TNF: variants seen among roughly 807,000 people sequenced by gnomAD.
TNF encodes the protein tumor necrosis factor, also known as APC1 protein.
TNF carries 7 observed loss-of-function variants against 21.8 expected under a neutral mutation model. That is an observed-to-expected ratio of 0.32 (90% CI 0.18 to 0.60). TNF has a LOEUF of 0.60. Ranked by LOEUF, TNF falls within the 20% of genes least tolerant of loss-of-function variation. TNF has a pLI of 0.84. For synonymous variants in TNF, 123 were observed against 130.2 expected, an observed-to-expected ratio of 0.94 and a Z score of 0.38; for missense variants, 216 against 296.6, an observed-to-expected ratio of 0.73 and a Z score of 2.00.
chr6:31,575,629 C>T lies in TNF; in HGVS notation c.-113C>T, dbSNP rs3093660. ...AAGAGGGAGAGAAGCAACTACAGACCCCCCCTGAAAACAACCCTCAGACGC... is the reference window on the plus strand; with the variant it reads ...AAGAGGGAGAGAAGCAACTACAGACTCCCCCTGAAAACAACCCTCAGACGC... On this transcript the variant is annotated 5_prime_UTR_variant, in exon 1 of 4. Transcript: ENST00000449264. This position sits in a 1 kb window ranked among gnomAD's most constrained non-coding sequence, Gnocchi z 6.2. The T allele has an allele frequency of 1.5e-5, 15 of 979,688 alleles. No individual in the cohort carries two copies. In the East Asian group the frequency reaches 1.6e-4, roughly 10 times the overall value. 60.7% of individuals were successfully genotyped at this position (979,688 alleles called of 1,614,324 possible).
At position 31,575,764 on chromosome 6, in the gene TNF, G is replaced by A. The variant is rs201502336; in HGVS notation, c.23G>A (p.Arg8Gln). Residue 8 changes from arginine (R) to glutamine (Q), a missense_variant, in exon 1 of 4, where the codon CGG (arginine) becomes CAG (glutamine). Around this residue, in one of 2 missense-constraint regions of TNF, gnomAD observed 118 missense variants for 127.1 expected, o/e 0.93. Coordinates refer to ENST00000449264, the MANE Select transcript of TNF (RefSeq NM_000594.4). The surrounding 1 kb of genome is among the most constrained non-coding windows in gnomAD (Gnocchi z 6.2). Reference protein sequence around the residue: MSTESMIRDVELAEEALP... With the variant: MSTESMIQDVELAEEALP... ...ACCATGAGCACTGAAAGCATGATCC[G>A]GGACGTGGAGCTGGCCGAGGAGGCG... The A allele has an allele frequency of 2.9e-5, 46 of 1,601,310 alleles. 1 individual carries two copies. Among genetic ancestry groups the A allele is most frequent in the South Asian group, 2.5e-4 (22 of 89,494 alleles).
In TNF at chr6:31,575,568, A is replaced by C; in HGVS notation, c.-174A>C. ...GCAGTTGTTGGCACACCCAGCCAGC[A>C]GACGCTCCCTCAGCAAGGACAGCAG... On this transcript the variant is annotated 5_prime_UTR_variant, in exon 1 of 4. Transcript: ENST00000449264. The surrounding 1 kb of genome is among the most constrained non-coding windows in gnomAD (Gnocchi z 6.2). 1 of 609,318 alleles carries C rather than the reference A, an allele frequency of 1.6e-6. No individual in the cohort carries two copies. Among genetic ancestry groups the C allele is most frequent in the South Asian group, 2.2e-5 (1 of 45,586 alleles). 37.7% of individuals were successfully genotyped at this position (609,318 alleles called of 1,614,324 possible).
chr6:31,576,966 A>T, intron 3 of TNF, 150 bp from the exon 4 acceptor site: 1 of 1,340,000 alleles, frequency 7.5e-7, no homozygotes. Flanking sequence ...TTAGTGGGAT[A>T]CTCAGAACGT....
At chr6:31,576,655 G>A (rs1454324321) in intron 2 of TNF, 76 bp downstream of exon 2, 1 of 1,596,868 alleles carries the variant, frequency 6.3e-7, no homozygotes, top group African/African-American at 1.4e-5. Flanking sequence ...TGGAAGCAGT[G>A]GGGGAAATTT....
At position 31,578,148 on chromosome 6, in the gene TNF, G is replaced by A. The variant is rs1329427055; in HGVS notation, c.*611G>A. ...GAGCTGAACAATAGGCTGTTCCCAT[G>A]TAGCCCCCTGGCCTCTGTGCCTTCT... On this transcript the variant is annotated 3_prime_UTR_variant, in exon 4 of 4. Coordinates refer to ENST00000449264, the MANE Select transcript of TNF (RefSeq NM_000594.4). The surrounding 1 kb of genome is among the most constrained non-coding windows in gnomAD (Gnocchi z 6.0). The A allele has an allele frequency of 6.6e-6, 1 of 152,238 alleles. No individual in the cohort carries two copies. The highest frequency in any genetic ancestry group is 1.5e-5 in the Non-Finnish European group (1 of 68,078). 9.4% of individuals were successfully genotyped at this position (152,238 alleles called of 1,614,324 possible).
In TNF at chr6:31,575,648, C is replaced by A; in HGVS notation, c.-94C>A. 8.0e-7 allele frequency: 1 copy of A among 1,248,898 alleles called. No homozygotes were observed. Among genetic ancestry groups the A allele is most frequent in the Non-Finnish European group, 1.1e-6 (1 of 916,868 alleles). The allele number at this position is 1,248,898 out of a possible 1,614,324, so 77.4% of individuals were successfully genotyped here. ...ACAGACCCCCCCTGAAAACAACCCT[C>A]AGACGCCACATCCCCTGACAAGCTG... On this transcript the variant is annotated 5_prime_UTR_variant, in exon 1 of 4. Transcript: ENST00000449264. The surrounding 1 kb of genome is among the most constrained non-coding windows in gnomAD (Gnocchi z 6.2).
At position 31,577,485 on chromosome 6, in the gene TNF, A is replaced by C. The variant is rs763621932; in HGVS notation, c.650A>C (p.Tyr217Ser). ...RLSAEINRPD[Y>S]LDFAESGQVY... ...AGCGCTGAGATCAATCGGCCCGACT[A>C]TCTCGACTTTGCCGAGTCTGGGCAG... The change falls in exon 4 of 4, where the codon TAT (tyrosine) becomes TCT (serine). Residue 217 changes from tyrosine (Y) to serine (S), a missense_variant. Tyr to Ser is a moderately radical substitution (Grantham distance 144). Around this residue, in one of 2 missense-constraint regions of TNF, gnomAD observed 98 missense variants for 169.6 expected, o/e 0.58. Transcript: ENST00000449264. The surrounding 1 kb of genome is among the most constrained non-coding windows in gnomAD (Gnocchi z 7.7). 3 of 1,613,112 alleles carry C rather than the reference A, an allele frequency of 1.9e-6. No individual in the cohort carries two copies. The South Asian group carries it at 3.3e-5, about 18-fold the overall frequency.
At position 31,575,960 on chromosome 6, in the gene TNF, C is replaced by A; in HGVS notation, c.186+33C>A. ...CCTGGCCAGCCTTCATCCACTCTCC[C>A]ACCCAAGGGGAAATGGAGACGCAAG... On this transcript the variant is annotated intron_variant, in intron 1 of 3. Coordinates refer to ENST00000449264, the MANE Select transcript of TNF (RefSeq NM_000594.4). This position sits in a 1 kb window ranked among gnomAD's most constrained non-coding sequence, Gnocchi z 6.2. 1 of 1,462,586 alleles carries A rather than the reference C, an allele frequency of 6.8e-7. No individual in the cohort carries two copies. Among genetic ancestry groups the A allele is most frequent in the Admixed American group, 2.4e-5 (1 of 41,746 alleles). 90.6% of individuals were successfully genotyped at this position (1,462,586 alleles called of 1,614,324 possible). A position where few individuals can be genotyped will look rare whatever the true frequency, so the allele number is the denominator to read the frequency against.
At position 31,577,609 on chromosome 6, in the gene TNF, C is replaced by A. The variant is rs772549106; in HGVS notation, c.*72C>A. 2 of 1,570,680 alleles carry A rather than the reference C, an allele frequency of 1.3e-6. No individual in the cohort carries two copies. Among genetic ancestry groups the A allele is most frequent in the South Asian group, 1.1e-5 (1 of 89,464 alleles). ...CCTTTATTACCCCCTCCTTCAGACA[C>A]CCTCAACCTCTTCTGGCTCAAAAAG... On this transcript the variant is annotated 3_prime_UTR_variant, in exon 4 of 4. Transcript: ENST00000449264. The surrounding 1 kb of genome is among the most constrained non-coding windows in gnomAD (Gnocchi z 7.7).
intron 1 of TNF, 121 bp from the exon 2 acceptor site, chr6:31,576,413 G>C (rs906170945): frequency 2.1e-6 from 2 of 940,436 alleles, no homozygotes; most frequent in African/African-American, 3.3e-5. Flanking sequence ...TGAATACACA[G>C]ATGAATGGAG....
rs1197505309 is a variant in TNF, at chr6:31,576,824, C to T, written c.280+10C>T. 6.2e-7 allele frequency: 1 copy of T among 1,612,938 alleles called. No individual in the cohort carries two copies. The highest frequency in any genetic ancestry group is 2.2e-5 in the East Asian group (1 of 44,884). ...GTAGCCCATGTTGTAGGTAAGAGCT[C>T]TGAGGATGTGTCTTGGAACTTGGAG... On this transcript the variant is annotated intron_variant, in intron 3 of 3. Transcript: ENST00000449264.
Position 31,577,365 on chromosome 6 carries a change from G to A in TNF, c.530G>A (p.Cys177Tyr). Residue 177 changes from cysteine to tyrosine, a missense_variant, in exon 4 of 4, where the codon TGC becomes TAC. Physicochemically the swap from Cys to Tyr is radical, Grantham distance 194 (BLOSUM62 -2). Transcript: ENST00000449264. The surrounding 1 kb of genome is among the most constrained non-coding windows in gnomAD (Gnocchi z 7.7). ...VNLLSAIKSP[C>Y]QRETPEGAEA... ...CTCCTCTCTGCCATCAAGAGCCCCT[G>A]CCAGAGGGAGACCCCAGAGGGGGCT... 6.2e-7 allele frequency: 1 copy of A among 1,613,156 alleles called. No individual in the cohort carries two copies. Among genetic ancestry groups the A allele is most frequent in the Non-Finnish European group, 8.5e-7 (1 of 1,180,010 alleles).
In TNF at chr6:31,577,071, G is replaced by A. The variant is rs1038617709; in HGVS notation, c.281-45G>A. 3.8e-6 allele frequency: 6 copies of A among 1,560,166 alleles called. No homozygotes were observed. In the South Asian group the frequency reaches 4.8e-5, roughly 13 times the overall value. On this transcript the variant is annotated intron_variant, in intron 3 of 3. Coordinates refer to ENST00000449264, the MANE Select transcript of TNF (RefSeq NM_000594.4). The surrounding 1 kb of genome is among the most constrained non-coding windows in gnomAD (Gnocchi z 7.7). ...AGGGCCAGGATGTGGAGAGTGAACCGACATGGCCACACTGACTCTCCTCTC... is the reference window on the plus strand; with the variant it reads ...AGGGCCAGGATGTGGAGAGTGAACCAACATGGCCACACTGACTCTCCTCTC...
chr6:31,576,996 G>A (rs1466087055), intron 3 of TNF, 120 bp from the exon 4 acceptor site: 7 of 1,408,034 alleles, frequency 5.0e-6, no homozygotes, highest in Non-Finnish European at 6.8e-6. Flanking sequence ...GTGGGATGTG[G>A]GATGACAGAC....
Position 31,577,765 on chromosome 6 carries a change from G to C in TNF, c.*228G>C. 1.6e-6 allele frequency: 1 copy of C among 626,630 alleles called. No homozygotes were observed. Among genetic ancestry groups the C allele is most frequent in the Non-Finnish European group, 2.8e-6 (1 of 352,130 alleles). 38.8% of individuals were successfully genotyped at this position (626,630 alleles called of 1,614,324 possible). The stretch of plus-strand genomic sequence containing the variant: ...TGGCAACCACTAAGAATTCAAACTG[G>C]GGCCTCCAGAACTCACTGGGGCCTA... On this transcript the variant is annotated 3_prime_UTR_variant, in exon 4 of 4. Coordinates refer to ENST00000449264, the MANE Select transcript of TNF (RefSeq NM_000594.4). The surrounding 1 kb of genome is among the most constrained non-coding windows in gnomAD (Gnocchi z 7.7).
chr6:31,576,849 G>A, intron 3 of TNF, 35 bp downstream of exon 3: 2 of 1,612,184 alleles, frequency 1.2e-6, no homozygotes, highest in African/African-American at 2.7e-5. Flanking sequence ...GGAACTTGGA[G>A]GGCTAGGATT....
chr6:31,577,659 C>A lies in TNF; in HGVS notation c.*122C>A. 1.6e-6 allele frequency: 2 copies of A among 1,281,390 alleles called. No individual in the cohort carries two copies. The highest frequency in any genetic ancestry group is 2.2e-6 in the Non-Finnish European group (2 of 907,664). 79.4% of individuals were successfully genotyped at this position (1,281,390 alleles called of 1,614,324 possible). On this transcript the variant is annotated 3_prime_UTR_variant, in exon 4 of 4. Transcript: ENST00000449264. This position sits in a 1 kb window ranked among gnomAD's most constrained non-coding sequence, Gnocchi z 7.7. ...GAGAATTGGGGGCTTAGGGTCGGAA[C>A]CCAAGCTTAGAACTTTAAGCAACAA... is the stretch of plus-strand genomic sequence containing the variant.
At position 31,576,530 on chromosome 6, in the gene TNF, A is replaced by G. The variant is rs774257243; in HGVS notation, c.187-4A>G. On this transcript the variant is annotated splice_polypyrimidine_tract_variant and splice_region_variant and intron_variant, in intron 1 of 3. Coordinates refer to ENST00000449264, the MANE Select transcript of TNF (RefSeq NM_000594.4). The stretch of plus-strand genomic sequence containing the variant: ...ATGTTAACCATTCTCCTTCTCCCCA[A>G]CAGTTCCCCAGGGACCTCTCTCTAA... 4.3e-5 allele frequency: 70 copies of G among 1,613,616 alleles called. No individual in the cohort carries two copies. Among genetic ancestry groups the G allele is most frequent in the African/African-American group, 8.0e-5 (6 of 74,858 alleles).
chr6:31,575,766 G>A lies in TNF; in HGVS notation c.25G>A (p.Asp9Asn), dbSNP rs982610810. 2 of 1,602,460 alleles carry A rather than the reference G, an allele frequency of 1.2e-6. No homozygotes were observed. Among genetic ancestry groups the A allele is most frequent in the Non-Finnish European group, 1.7e-6 (2 of 1,174,512 alleles). ...CATGAGCACTGAAAGCATGATCCGG[G>A]ACGTGGAGCTGGCCGAGGAGGCGCT... MSTESMIRDVELAEEALPK... is the reference protein window; with the variant it reads MSTESMIRNVELAEEALPK... The change falls in exon 1 of 4, where the codon GAC becomes AAC. Residue 9 changes from aspartate to asparagine, a missense_variant. Coordinates refer to ENST00000449264, the MANE Select transcript of TNF (RefSeq NM_000594.4). This position sits in a 1 kb window ranked among gnomAD's most constrained non-coding sequence, Gnocchi z 6.2.
Sources: gnomAD v4.1 joint callset for allele counts on GRCh38, gnomAD v4.1.1 for gene constraint, gnomAD v4.1.1 regional missense constraint, Gnocchi (gnomAD v3.1) non-coding constraint, MANE v1.5 for transcripts, NCBI Gene and HGNC (gene_info 2026-07-23, HGNC 2026-07-21) for gene names.